The following SLC17A2 variants were observed in gnomAD, a reference collection of about 807,000 sequenced individuals.
The protein encoded by SLC17A2 is sodium-dependent phosphate transport protein 3.
A neutral mutation model predicts 52.1 loss-of-function variants in SLC17A2; 38 were observed. That is an observed-to-expected ratio of 0.73 (90% CI 0.56 to 0.96). The LOEUF (loss-of-function observed/expected upper bound fraction) is 0.96, where lower values mean the gene tolerates loss of function less well. Among genes scored for constraint, SLC17A2 ranks in the 40% least tolerant of loss-of-function variants. SLC17A2 has a pLI of 0.00. For missense variants in SLC17A2, 508 were observed against 583.9 expected, an observed-to-expected ratio of 0.87 and a Z score of 1.34; for synonymous variants, 226 against 211.9, an observed-to-expected ratio of 1.07 and a Z score of -0.58.
At chr6:25,924,039 C>A in intron 2 of SLC17A2, 133 bp from the exon 3 acceptor site, 1 of 697,054 alleles carries the variant, frequency 1.4e-6, no homozygotes, top group East Asian at 2.7e-5. Context: ...ACCAAAATAG[C>A]CAGCACTACA....
chr6:25,923,866 G>T lies in SLC17A2; in HGVS notation c.69C>A (p.Ile23=). 6.2e-7 allele frequency: 1 copy of T among 1,614,186 alleles called. No homozygotes were observed. The highest frequency in any genetic ancestry group is 8.5e-7 in the Non-Finnish European group (1 of 1,180,032). ...TCATGGTGAAGTTTGAGAAGTGCAT[G>T]ATAAGAGCCAGCCCATAGCGTAATG... ...FCSLRYGLAL[I]MHFSNFTMIT... The change falls in exon 3 of 12, where the codon ATC becomes ATA. Residue 23 remains isoleucine (I), a synonymous_variant. Transcript: ENST00000377850.
intron 1 of SLC17A2, among the ~76,000 whole-genome samples, chr6:25,929,240 G>A (rs893955630): frequency 2.6e-5 from 4 of 152,158 alleles, no homozygotes; most frequent in Admixed American, 6.5e-5. Flanking sequence ...AGTAAACCAG[G>A]TAAAGTTTCA....
At chr6:25,926,453 A>G (rs948781694) in intron 1 of SLC17A2, among the ~76,000 whole-genome samples, 10 of 152,232 alleles carry the variant, frequency 6.6e-5, no homozygotes, top group African/African-American at 1.4e-4. Context: ...CACAATGTGG[A>G]CACTTGCTTG....
At chr6:25,928,676 A>G (rs1039517949) in intron 1 of SLC17A2, among the ~76,000 whole-genome samples, 17 of 152,220 alleles carry the variant, frequency 1.1e-4, no homozygotes, top group African/African-American at 4.1e-4. Context: ...GGTAATGGGA[A>G]ATGTTTTTCC....
In SLC17A2 at chr6:25,921,214, C is replaced by T; in HGVS notation, c.439G>A (p.Val147Ile). 1 of 1,614,018 alleles carries T rather than the reference C, an allele frequency of 6.2e-7. No individual in the cohort carries two copies. Among genetic ancestry groups the T allele is most frequent in the Non-Finnish European group, 8.5e-7 (1 of 1,180,012 alleles). The change falls in exon 4 of 12, where the codon GTC (valine) becomes ATC (isoleucine). Residue 147 changes from valine to isoleucine, a missense_variant. Val to Ile is a conservative substitution (Grantham distance 29). Coordinates refer to ENST00000377850, the MANE Select transcript of SLC17A2 (RefSeq NM_001286123.3). ...CCCTGGACTGTCCGAACCATGATGA[C>T]CAAAATCACTCCGAAGTCAGCAGCC... ...PLAADFGVILVIMVRTVQGMA... is the reference protein window; with the variant it reads ...PLAADFGVILIIMVRTVQGMA...
At chr6:25,923,941 C>G in intron 2 of SLC17A2, 35 bp from the exon 3 acceptor site, 1 of 1,506,358 alleles carries the variant, frequency 6.6e-7, no homozygotes, top group Non-Finnish European at 9.2e-7. Flanking sequence ...AGTGAGCATC[C>G]TGACTGAGAC....
intron 3 of SLC17A2, 38 bp downstream of exon 3, chr6:25,923,657 T>C: frequency 6.5e-7 from 1 of 1,528,616 alleles, no homozygotes; most frequent in Non-Finnish European, 9.1e-7. Context: ...TCAAAGTTTT[T>C]TCTCTCAACA....
intron 8 of SLC17A2, among the ~76,000 whole-genome samples, chr6:25,916,446 G>C (rs1021024162): frequency 2.0e-5 from 3 of 152,148 alleles, no homozygotes; most frequent in African/African-American, 4.8e-5. Flanking sequence ...TAGTGGTTAA[G>C]AATATGGATG....
intron 2 of SLC17A2, among the ~76,000 whole-genome samples, chr6:25,925,142 G>A (rs916292616): frequency 6.6e-6 from 1 of 152,136 alleles, no homozygotes; most frequent in East Asian, 1.9e-4. Context: ...TTTTACTGGA[G>A]GTTTCCAAGC....
intron 9 of SLC17A2, 29 bp from the exon 10 acceptor site, chr6:25,915,675 A>G: frequency 1.2e-6 from 2 of 1,612,906 alleles, no homozygotes; most frequent in Non-Finnish European, 1.7e-6. Context: ...CTGTCAGGGA[A>G]CCCTCTGAGA....
intron 5 of SLC17A2, among the ~76,000 whole-genome samples, chr6:25,920,503 T>G (rs925833436): frequency 5.9e-5 from 9 of 152,134 alleles, no homozygotes; most frequent in African/African-American, 2.2e-4. Flanking sequence ...AAATAAGAAT[T>G]TAAAATGGTA....
Position 25,913,339 on chromosome 6 carries a change from T to G in SLC17A2, c.1415A>C (p.Glu472Ala). The G allele has an allele frequency of 6.2e-7, 1 of 1,614,176 alleles. No homozygotes were observed. Residue 472 changes from glutamate (E) to alanine (A), a missense_variant, in exon 12 of 12, where the codon GAG becomes GCG. Physicochemically the swap from Glu to Ala is moderately radical, Grantham distance 107 (BLOSUM62 -1). Coordinates refer to ENST00000377850, the MANE Select transcript of SLC17A2 (RefSeq NM_001286123.3). ...TCCTCAGAGGCGGGTAAGGGTCCTC[T>G]CTTTGGCCCAGTCTTGAAGTTCTGC... Reference protein sequence around the residue: ...GQAELQDWAKERTLTRL With the variant: ...GQAELQDWAKARTLTRL
At chr6:25,928,806 G>A (rs1766852176) in intron 1 of SLC17A2, among the ~76,000 whole-genome samples, 1 of 152,074 alleles carries the variant, frequency 6.6e-6, no homozygotes, top group Non-Finnish European at 1.5e-5. Flanking sequence ...ATGTAACAGT[G>A]TCAGAACCCT....
At position 25,923,913 on chromosome 6, in the gene SLC17A2, A is replaced by T; in HGVS notation, c.29-7T>A. ...AATGAACAGAAATCTGGACCTAGAC[A>T]ACAACACAGATGTATGTAGTGAGCA... On this transcript the variant is annotated splice_region_variant and splice_polypyrimidine_tract_variant and intron_variant, in intron 2 of 11. Coordinates refer to ENST00000377850, the MANE Select transcript of SLC17A2 (RefSeq NM_001286123.3). The T allele has an allele frequency of 6.2e-7, 1 of 1,611,568 alleles. No homozygotes were observed. Among genetic ancestry groups the T allele is most frequent in the Non-Finnish European group, 8.5e-7 (1 of 1,178,144 alleles).
In SLC17A2 at chr6:25,917,102, T is replaced by C; in HGVS notation, c.650-15A>G. 6.2e-7 allele frequency: 1 copy of C among 1,601,116 alleles called. No homozygotes were observed. Among genetic ancestry groups the C allele is most frequent in the Non-Finnish European group, 8.6e-7 (1 of 1,168,566 alleles). On this transcript the variant is annotated splice_polypyrimidine_tract_variant and intron_variant, in intron 6 of 11. Transcript: ENST00000377850. ...GCCAGTGCTACCTGGGAAGAAGGGA[T>C]AAAATTAGTTTTTAGGTAGATTTGT...
At chr6:25,925,978 C>T in intron 1 of SLC17A2, 99 bp from the exon 2 acceptor site, 1 of 665,550 alleles carries the variant, frequency 1.5e-6, no homozygotes, top group African/African-American at 1.8e-5. Flanking sequence ...CCCAACACAG[C>T]TCTATAACTT....
Position 25,913,202 on chromosome 6 carries a change from A to T in SLC17A2, c.*115T>A. 4.4e-6 allele frequency: 5 copies of T among 1,135,050 alleles called. No individual in the cohort carries two copies. The East Asian group carries it at 9.5e-5, about 22-fold the overall frequency. The allele number at this position is 1,135,050 out of a possible 1,614,324, so 70.3% of individuals were successfully genotyped here. A position where few individuals can be genotyped will look rare whatever the true frequency, so the allele number is the denominator to read the frequency against. On this transcript the variant is annotated 3_prime_UTR_variant, in exon 12 of 12. Coordinates refer to ENST00000377850, the MANE Select transcript of SLC17A2 (RefSeq NM_001286123.3). ...TTATAAAGGCTCCCCAGGGAAGACT[A>T]ACACACAGCCAGAGTTAAGAACTGC...
At chr6:25,915,406 T>C in intron 10 of SLC17A2, 93 bp downstream of exon 10, 1 of 1,093,776 alleles carries the variant, frequency 9.1e-7, no homozygotes. Context: ...ATTAGTGCAA[T>C]GTCAGTAACA....
At chr6:25,924,621 C>T (rs945850903) in intron 2 of SLC17A2, among the ~76,000 whole-genome samples, 6 of 151,796 alleles carry the variant, frequency 4.0e-5, no homozygotes, top group South Asian at 2.1e-4. Context: ...CCAGCCTGGT[C>T]AACATGGTGA....
Sources: allele counts gnomAD v4.1 joint callset (sites outside exome capture counted in the v4.1 genomes callset), GRCh38; gene constraint gnomAD v4.1.1; transcripts MANE v1.5; gene names NCBI Gene and HGNC (gene_info 2026-07-23, HGNC 2026-07-21).